The following CMIP variants were observed in gnomAD, a reference collection of about 807,000 sequenced individuals.
CMIP encodes c-Maf inducing protein.
A neutral mutation model predicts 97.3 loss-of-function variants in CMIP; 13 were observed. The observed-to-expected ratio is 0.13, with a 90% CI of 0.09 to 0.21. CMIP has a LOEUF of 0.21. Among genes scored for constraint, CMIP ranks in the 10% least tolerant of loss-of-function variants. The pLI, the probability that CMIP is intolerant of heterozygous loss-of-function variation, is 1.00. For synonymous variants in CMIP, 538 were observed against 436.3 expected (o/e 1.23, Z -2.91); for missense variants, 847 against 1,024.9 (o/e 0.83, Z 2.37).
intron 1 of CMIP, among the ~76,000 whole-genome samples, chr16:81,491,336 C>G (rs554136207): frequency 6.6e-6 from 1 of 152,270 alleles, no homozygotes; most frequent in East Asian, 1.9e-4. Flanking sequence ...AGACTCTGGG[C>G]AAGTCACACC....
At chr16:81,548,224 C>T (rs1207599747) in intron 1 of CMIP, among the ~76,000 whole-genome samples, 1 of 149,628 alleles carries the variant, frequency 6.7e-6, no homozygotes, top group Non-Finnish European at 1.5e-5. Flanking sequence ...GCCTCGACTT[C>T]CTGGGCTCAA....
chr16:81,487,190 T>A (rs2089328943), intron 1 of CMIP, among the ~76,000 whole-genome samples: 1 of 152,064 alleles, frequency 6.6e-6, no homozygotes, highest in African/African-American at 2.4e-5. Context: ...GGGGCTACTT[T>A]GGGGTGCCCC....
At chr16:81,705,353 A>T in intron 18 of CMIP, 146 bp from the exon 19 acceptor site, 1 of 584,622 alleles carries the variant, frequency 1.7e-6, no homozygotes. Context: ...AGGGGACGTG[A>T]ACGCAGCCCA....
chr16:81,681,374 G>C (rs1904858959), intron 10 of CMIP, among the ~76,000 whole-genome samples: 1 of 152,248 alleles, frequency 6.6e-6, no homozygotes, highest in Admixed American at 6.5e-5. Flanking sequence ...CACAGACTCA[G>C]AGTCAGACCA....
chr16:81,603,136 G>A (rs2091684836), intron 1 of CMIP, among the ~76,000 whole-genome samples: 1 of 152,184 alleles, frequency 6.6e-6, no homozygotes, highest in Non-Finnish European at 1.5e-5. Context: ...CTACAGTGCA[G>A]TGGCGCGATC....
At chr16:81,572,044 C>G (rs1271550282) in intron 1 of CMIP, among the ~76,000 whole-genome samples, 1 of 152,224 alleles carries the variant, frequency 6.6e-6, no homozygotes, top group Non-Finnish European at 1.5e-5. Context: ...TGGCCCCGAC[C>G]CTGGCACCAG....
At chr16:81,548,467 A>G (rs1001296053) in intron 1 of CMIP, among the ~76,000 whole-genome samples, 1 of 152,052 alleles carries the variant, frequency 6.6e-6, no homozygotes, top group African/African-American at 2.4e-5. Flanking sequence ...TGTCCTGGGC[A>G]TGGTAGGACA....
intron 3 of CMIP, among the ~76,000 whole-genome samples, chr16:81,633,028 C>T (rs183659399): frequency 6.6e-6 from 1 of 152,204 alleles, no homozygotes; most frequent in Non-Finnish European, 1.5e-5. Flanking sequence ...TGTCATCCAG[C>T]GCAGGCTTTG....
intron 1 of CMIP, among the ~76,000 whole-genome samples, chr16:81,600,275 GAAAAAAAAA>G (rs71146022): frequency 1.2e-5 from 1 of 81,714 alleles, no homozygotes; most frequent in Non-Finnish European, 2.3e-5. Flanking sequence ...GACTCCATCT[GAAAAAAAAA>G]AAAAAAAAAA....
intron 1 of CMIP, among the ~76,000 whole-genome samples, chr16:81,508,661 T>C (rs895728092): frequency 1.3e-5 from 2 of 152,186 alleles, no homozygotes; most frequent in African/African-American, 4.8e-5. Context: ...CTCTGGAATA[T>C]TGATAGGTAT....
At chr16:81,679,723 T>G (rs961774076) in intron 10 of CMIP, among the ~76,000 whole-genome samples, 9 of 152,072 alleles carry the variant, frequency 5.9e-5, no homozygotes, top group African/African-American at 2.2e-4. Flanking sequence ...GAACCTCAAC[T>G]CTGTGACTCT....
chr16:81,613,481 CTGTGGAA>C lies in CMIP; in HGVS notation c.426+5790_426+5796del, dbSNP rs1229816350. 4.4e-3 allele frequency among the ~76,000 whole-genome samples: 673 copies of C among 152,334 alleles called. 7 individuals are homozygous for C. The highest frequency in any genetic ancestry group is 0.015 in the African/African-American group (638 of 41,572). ...AACCCTAGGTTTTACCACATTCTAG[CTGTGGAA>C]CCCTAAACAGCAGGAAGAACCTCTC... is the stretch of plus-strand genomic sequence containing the variant. On this transcript the variant is annotated intron_variant, in intron 2 of 20. Transcript: ENST00000537098.
At chr16:81,700,120 T>G (rs527559064) in intron 15 of CMIP, among the ~76,000 whole-genome samples, 2 of 152,294 alleles carry the variant, frequency 1.3e-5, no homozygotes, top group South Asian at 4.1e-4. Flanking sequence ...ACATGGGCAT[T>G]GGGGTACCTG....
chr16:81,693,382 C>T (rs1356714337), intron 12 of CMIP, 57 bp from the exon 13 acceptor site: 2 of 1,584,110 alleles, frequency 1.3e-6, no homozygotes, highest in South Asian at 2.3e-5. Flanking sequence ...CCCCTTCCCA[C>T]ACCTCCCACT....
intron 10 of CMIP, among the ~76,000 whole-genome samples, chr16:81,688,289 T>C (rs1271132583): frequency 1.3e-5 from 2 of 152,184 alleles, no homozygotes; most frequent in South Asian, 2.1e-4. Flanking sequence ...TTAAGTGAAG[T>C]CAGGTGAACA....
chr16:81,456,458 C>T (rs1461589626), intron 1 of CMIP, among the ~76,000 whole-genome samples: 1 of 152,182 alleles, frequency 6.6e-6, no homozygotes, highest in East Asian at 1.9e-4. Flanking sequence ...GGAACCCTGG[C>T]AGCAAGGGCC....
intron 1 of CMIP, among the ~76,000 whole-genome samples, chr16:81,499,342 C>CA (rs2089553165): frequency 6.6e-6 from 1 of 152,210 alleles, no homozygotes; most frequent in Non-Finnish European, 1.5e-5. Flanking sequence ...ACACACACAC[C>CA]ACTTGCACAC....
intron 6 of CMIP, among the ~76,000 whole-genome samples, chr16:81,663,327 G>A (rs1050487218): frequency 2.6e-5 from 4 of 151,616 alleles, no homozygotes; most frequent in Admixed American, 2.6e-4. Context: ...AGCAGACCAC[G>A]AAGAGAAAGG....
Position 81,629,389 on chromosome 16 carries a change from T to TTGCACCTGACTCC in CMIP, c.477+8464_477+8476dup, listed in dbSNP as rs2092122601. On this transcript the variant is annotated intron_variant, in intron 3 of 20. Transcript: ENST00000537098. ...GAGGTTTGGAAGCCCAGATCTGGCC[T>TTGCACCTGACTCC]TGCACCTGACTCCCTCACTCTATAC... Among the ~76,000 whole-genome samples the TTGCACCTGACTCC allele has an allele frequency of 2.0e-5, 3 of 152,172 alleles. No homozygotes were observed. The East Asian group carries it at 5.8e-4, about 29-fold the overall frequency.
Sources: allele counts gnomAD v4.1 joint callset (sites outside exome capture counted in the v4.1 genomes callset), GRCh38; gene constraint gnomAD v4.1.1; transcripts MANE v1.5; gene names NCBI Gene and HGNC (gene_info 2026-07-23, HGNC 2026-07-21).